The following EMILIN2 variants were observed in gnomAD, a reference collection of about 807,000 sequenced individuals.
EMILIN2 encodes the protein elastin microfibril interfacer 2.
In EMILIN2, 71 loss-of-function variants were observed where a neutral mutation model predicts 87.1. The ratio of observed to expected loss-of-function variants is 0.82; its 90% CI spans 0.67 to 0.99. The LOEUF (loss-of-function observed/expected upper bound fraction) is 0.99, where lower values mean the gene tolerates loss of function less well. EMILIN2 is among the 50% of genes least tolerant of loss of function. EMILIN2 has a pLI of 0.00. For synonymous variants in EMILIN2, 581 were observed against 563.4 expected, an observed-to-expected ratio of 1.03 and a Z score of -0.44; for missense variants, 1,407 against 1,371.8, an observed-to-expected ratio of 1.03 and a Z score of -0.40.
At chr18:2,898,210 C>A (rs1375471677) in intron 4 of EMILIN2, among the ~76,000 whole-genome samples, 1 of 152,232 alleles carries the variant, frequency 6.6e-6, no homozygotes, top group African/African-American at 2.4e-5. Flanking sequence ...TCACAGGTAT[C>A]CCCACAAGTG....
At chr18:2,879,377 T>C (rs1405017807) in intron 2 of EMILIN2, among the ~76,000 whole-genome samples, 2 of 152,172 alleles carry the variant, frequency 1.3e-5, no homozygotes, top group African/African-American at 4.8e-5. Context: ...TTAACAGCCA[T>C]GCCAGGCGCA....
Position 2,847,267 on chromosome 18 carries a change from C to G in EMILIN2, c.79C>G (p.Leu27Val). ...LALLALVGAG[L>V]CHAGPQPGYP... ...GCTGCTGGCCCTGGTTGGCGCGGGGCTGTGCCACGCCGGCCCGCAGCCCGG... is the reference window on the plus strand; with the variant it reads ...GCTGCTGGCCCTGGTTGGCGCGGGGGTGTGCCACGCCGGCCCGCAGCCCGG... The change falls in exon 1 of 8, where the codon CTG becomes GTG. Residue 27 changes from leucine to valine, a missense_variant. Coordinates refer to ENST00000254528, the MANE Select transcript of EMILIN2 (RefSeq NM_032048.3). The surrounding 1 kb of genome is among the most constrained non-coding windows in gnomAD (Gnocchi z 4.5). 3 of 1,315,506 alleles carry G rather than the reference C, an allele frequency of 2.3e-6. No homozygotes were observed. In the South Asian group the frequency reaches 6.1e-5, roughly 27 times the overall value. The allele number at this position is 1,315,506 out of a possible 1,614,324, so 81.5% of individuals were successfully genotyped here. A position where few individuals can be genotyped will look rare whatever the true frequency, so the allele number is the denominator to read the frequency against.
At chr18:2,871,444 G>A (rs748650992) in intron 2 of EMILIN2, among the ~76,000 whole-genome samples, 15 of 152,226 alleles carry the variant, frequency 9.9e-5, no homozygotes, top group Non-Finnish European at 2.1e-4. Context: ...TTGGGTTGGG[G>A]GACCATGTGG....
At position 2,884,325 on chromosome 18, in the gene EMILIN2, C is replaced by G. The variant is rs1008143922; in HGVS notation, c.258-639C>G. On this transcript the variant is annotated intron_variant, in intron 2 of 7. Coordinates refer to ENST00000254528, the MANE Select transcript of EMILIN2 (RefSeq NM_032048.3). ...GGAGTGCAATGGCGTGATCTCAGCT[C>G]ACTGCAACCTCCGCCTTCTGGATTC... is the stretch of plus-strand genomic sequence containing the variant. Among the ~76,000 whole-genome samples the G allele has an allele frequency of 2.0e-5, 3 of 152,308 alleles. No homozygotes were observed. In the South Asian group the frequency reaches 6.2e-4, roughly 32 times the overall value.
At chr18:2,879,095 A>G (rs2076764064) in intron 2 of EMILIN2, among the ~76,000 whole-genome samples, 1 of 152,114 alleles carries the variant, frequency 6.6e-6, no homozygotes, top group East Asian at 1.9e-4. Context: ...GGAAGATTCC[A>G]TTCGTAGGTC....
At chr18:2,908,579 T>C (rs766293082) in intron 5 of EMILIN2, among the ~76,000 whole-genome samples, 1 of 152,226 alleles carries the variant, frequency 6.6e-6, no homozygotes, top group Non-Finnish European at 1.5e-5. Flanking sequence ...TAGTTGAAGG[T>C]AGAGCTCTTG....
chr18:2,868,733 C>T (rs982255444), intron 2 of EMILIN2, among the ~76,000 whole-genome samples: 1 of 152,210 alleles, frequency 6.6e-6, no homozygotes, highest in African/African-American at 2.4e-5. Flanking sequence ...TGCAGTGAGC[C>T]GAGATGGCAG....
At chr18:2,903,278 A>G (rs529799878) in intron 4 of EMILIN2, among the ~76,000 whole-genome samples, 1 of 152,106 alleles carries the variant, frequency 6.6e-6, no homozygotes, top group Non-Finnish European at 1.5e-5. Flanking sequence ...GAAAAGAAAG[A>G]TGAGGAGTCA....
At chr18:2,854,813 G>A (rs2143954447) in intron 2 of EMILIN2, among the ~76,000 whole-genome samples, 1 of 152,264 alleles carries the variant, frequency 6.6e-6, no homozygotes, top group South Asian at 2.1e-4. Context: ...ACCCAGAACA[G>A]AACATGTAAG....
At chr18:2,896,961 TC>T (rs1247835723) in intron 4 of EMILIN2, among the ~76,000 whole-genome samples, 3 of 151,632 alleles carry the variant, frequency 2.0e-5, no homozygotes, top group Non-Finnish European at 4.4e-5. Flanking sequence ...ACACAGGGAG[TC>T]CCTGTCCCTA....
chr18:2,897,357 T>C (rs935122362), intron 4 of EMILIN2, among the ~76,000 whole-genome samples: 3 of 152,170 alleles, frequency 2.0e-5, no homozygotes, highest in African/African-American at 7.2e-5. Flanking sequence ...AGAATGGATG[T>C]TTAATCTATT....
intron 2 of EMILIN2, among the ~76,000 whole-genome samples, chr18:2,856,335 T>G: frequency 6.6e-6 from 1 of 152,220 alleles, no homozygotes; most frequent in East Asian, 1.9e-4. Context: ...TCAAAGTCAG[T>G]GCTGAAGTAG....
intron 5 of EMILIN2, 73 bp downstream of exon 5, chr18:2,907,158 G>T (rs2076918562): frequency 2.5e-6 from 3 of 1,218,946 alleles, no homozygotes; most frequent in Non-Finnish European, 3.1e-6. Context: ...GGGGTCTGCT[G>T]AGGGGCGTGG....
chr18:2,892,548 A>G, intron 4 of EMILIN2, 62 bp downstream of exon 4: 1 of 1,503,128 alleles, frequency 6.7e-7, no homozygotes, highest in African/African-American at 1.4e-5. Flanking sequence ...AACATTTTAA[A>G]AATAATTTTT....
chr18:2,889,692 C>CTTTTTTTTTTTTTTTTTTTTTT (rs34248672), intron 3 of EMILIN2, among the ~76,000 whole-genome samples: 9 of 96,662 alleles, frequency 9.3e-5, no homozygotes, highest in Non-Finnish European at 1.2e-4. Context: ...TTTTTCTTTT[C>CTTTTTTTTTTTTTTTTTTTTTT]TTTTTTTTTT....
chr18:2,870,849 C>A (rs998026399), intron 2 of EMILIN2, among the ~76,000 whole-genome samples: 3 of 152,212 alleles, frequency 2.0e-5, no homozygotes, highest in African/African-American at 7.2e-5. Context: ...AGGCCTCTCT[C>A]CATGGCTTGT....
At chr18:2,868,242 G>T (rs947687953) in intron 2 of EMILIN2, among the ~76,000 whole-genome samples, 1 of 152,110 alleles carries the variant, frequency 6.6e-6, no homozygotes, top group Non-Finnish European at 1.5e-5. Flanking sequence ...CAGACGATGG[G>T]CGGCCAGGCA....
chr18:2,908,645 C>G (rs1333340165), intron 5 of EMILIN2, among the ~76,000 whole-genome samples: 1 of 152,234 alleles, frequency 6.6e-6, no homozygotes, highest in African/African-American at 2.4e-5. Context: ...CTCTCTCAGT[C>G]ACAGAGAAGT....
chr18:2,885,086 A>C lies in EMILIN2; in HGVS notation c.380A>C (p.Lys127Thr). 3 of 1,613,690 alleles carry C rather than the reference A, an allele frequency of 1.9e-6. No individual in the cohort carries two copies. The highest frequency in any genetic ancestry group is 2.5e-6 in the Non-Finnish European group (3 of 1,179,898). Reference protein sequence around the residue: ...DCQEGPKDPVKTLRPTPARPR... With the variant: ...DCQEGPKDPVTTLRPTPARPR... ...CAAGAAGGTCCCAAAGACCCCGTGA[A>C]GACCCTCCGCCCCACGCCGGCTCGG... The change falls in exon 3 of 8, where the codon AAG (lysine) becomes ACG (threonine). Residue 127 changes from lysine (K) to threonine (T), a missense_variant. Physicochemically the swap from Lys to Thr is moderately conservative, Grantham distance 78. Transcript: ENST00000254528.
Sources: gnomAD v4.1 joint callset for allele counts (sites outside exome capture counted in the v4.1 genomes callset) on GRCh38, gnomAD v4.1.1 for gene constraint, Gnocchi (gnomAD v3.1) non-coding constraint, MANE v1.5 for transcripts, NCBI Gene and HGNC (gene_info 2026-07-23, HGNC 2026-07-21) for gene names.